The following DYNC2H1 variants were observed in gnomAD, a reference collection of about 807,000 sequenced individuals.
DYNC2H1 encodes cytoplasmic dynein 2 heavy chain 1.
In DYNC2H1, 410 loss-of-function variants were observed where a neutral mutation model predicts 570.0. The ratio of observed to expected loss-of-function variants is 0.72; its 90% confidence interval spans 0.66 to 0.78. The LOEUF (loss-of-function observed/expected upper bound fraction) is 0.78, where lower values mean the gene tolerates loss of function less well. DYNC2H1 is among the 30% of genes least tolerant of loss of function. DYNC2H1 has a pLI of 0.00. For synonymous variants in DYNC2H1, 1,688 were observed against 1,677.6 expected (o/e 1.01, Z -0.15); for missense variants, 4,865 against 5,046.4 (o/e 0.96, Z 1.09).
chr11:103,266,447 C>T (rs908891653), intron 70 of DYNC2H1, among the ~76,000 whole-genome samples: 7 of 151,988 alleles, frequency 4.6e-5, no homozygotes, highest in Non-Finnish European at 8.8e-5. Context: ...AGCATCTTCT[C>T]TTCTCTGCAC....
At position 103,305,111 on chromosome 11, in the gene DYNC2H1, G is replaced by A. The variant is rs939013841; in HGVS notation, c.11382+391G>A. On this transcript the variant is annotated intron_variant, in intron 77 of 88. Coordinates refer to ENST00000375735, the MANE Select transcript of DYNC2H1 (RefSeq NM_001377.3). The surrounding 1 kb of genome is among the most constrained non-coding windows in gnomAD (Gnocchi z 4.3). ...TAAGGAAGCTAGAGAATAAACTGAA[G>A]CAAATGTTTCGTTTATCTCAAATGG... Among the ~76,000 whole-genome samples the A allele has an allele frequency of 6.6e-6, 1 of 152,072 alleles. No individual in the cohort carries two copies. Among genetic ancestry groups the A allele is most frequent in the African/African-American group, 2.4e-5 (1 of 41,388 alleles).
In DYNC2H1 at chr11:103,141,650, A is replaced by C. The variant is rs547538647; in HGVS notation, c.2575-1618A>C. Among the ~76,000 whole-genome samples, 541 of 152,314 alleles carry C rather than the reference A, an allele frequency of 3.6e-3. 3 individuals carry two copies. The highest frequency in any genetic ancestry group is 5.7e-3 in the Non-Finnish European group (389 of 68,012). On this transcript the variant is annotated intron_variant, in intron 17 of 88. Coordinates refer to ENST00000375735, the MANE Select transcript of DYNC2H1 (RefSeq NM_001377.3). ...CTCCCAGTTAGGCTGCTCAGGGGTC[A>C]GGGGTCAGGGGTCAGGGACCCACTT...
chr11:103,477,583 G>A (rs1471732551), intron 88 of DYNC2H1, among the ~76,000 whole-genome samples: 1 of 152,036 alleles, frequency 6.6e-6, no homozygotes, highest in Non-Finnish European at 1.5e-5. Context: ...TGTAATCCCA[G>A]CACTTTGGGA....
At chr11:103,344,240 C>T (rs1939625063) in intron 82 of DYNC2H1, among the ~76,000 whole-genome samples, 1 of 152,182 alleles carries the variant, frequency 6.6e-6, no homozygotes, top group Non-Finnish European at 1.5e-5. Flanking sequence ...CTGACTTCCT[C>T]ATAGTCTTAA....
At chr11:103,273,295 T>A in intron 70 of DYNC2H1, among the ~76,000 whole-genome samples, 1 of 151,980 alleles carries the variant, frequency 6.6e-6, no homozygotes. Context: ...GCTAAAGCCA[T>A]CCTCCCACCT....
intron 83 of DYNC2H1, 61 bp downstream of exon 83, chr11:103,358,420 T>A: frequency 8.7e-7 from 1 of 1,151,818 alleles, no homozygotes; most frequent in Non-Finnish European, 1.3e-6. Flanking sequence ...AACCATGTGC[T>A]CCCCATTTCT....
intron 19 of DYNC2H1, 90 bp from the exon 20 acceptor site, chr11:103,148,400 C>T: frequency 7.3e-7 from 1 of 1,362,252 alleles, no homozygotes; most frequent in Non-Finnish European, 1.0e-6. Flanking sequence ...GTACTGATTA[C>T]TTCTACCACC....
At chr11:103,316,278 T>G (rs902047792) in intron 79 of DYNC2H1, among the ~76,000 whole-genome samples, 5 of 152,124 alleles carry the variant, frequency 3.3e-5, no homozygotes, top group African/African-American at 1.2e-4. Flanking sequence ...AAAAATGTAG[T>G]ATATCAGTTT....
intron 70 of DYNC2H1, among the ~76,000 whole-genome samples, chr11:103,260,882 G>A (rs926521291): frequency 1.5e-4 from 23 of 151,620 alleles, no homozygotes; most frequent in Admixed American, 3.9e-4. Context: ...GCCTCCCAAA[G>A]TGCTGGGATT....
rs752575739 is a variant in DYNC2H1 at position 103,120,851 on chromosome 11, A to G, written c.1248+49A>G. ...TTTAATATTTCTCTTAAGCTAATAT[A>G]TATATAAAAATATATATATATTTAC... is the stretch of plus-strand genomic sequence containing the variant. On this transcript the variant is annotated intron_variant, in intron 8 of 88. Transcript: ENST00000375735. The G allele has an allele frequency of 3.3e-4, 380 of 1,149,222 alleles. 1 individual carries two copies. Among genetic ancestry groups the G allele is most frequent in the Non-Finnish European group, 4.1e-4 (361 of 889,568 alleles). 71.2% of individuals were successfully genotyped at this position (1,149,222 alleles called of 1,614,324 possible). A position where few individuals can be genotyped will look rare whatever the true frequency, so the allele number is the denominator to read the frequency against.
intron 63 of DYNC2H1, among the ~76,000 whole-genome samples, chr11:103,240,505 C>T (rs1864386433): frequency 6.6e-6 from 1 of 150,890 alleles, no homozygotes; most frequent in South Asian, 2.1e-4. Context: ...CCAGAGATAT[C>T]ACAGTCTTTT....
rs60223334 is a variant in DYNC2H1 at position 103,423,408 on chromosome 11, T to TAA, written c.12367-12506_12367-12505dup. ...ATTAAATAGCCAAAAGCCAAAAAAGTAAAAAAAAAAAAAAAAAAAAAAAAA... is the reference window on the plus strand; with the variant it reads ...ATTAAATAGCCAAAAGCCAAAAAAGTAAAAAAAAAAAAAAAAAAAAAAAAAAA... On this transcript the variant is annotated intron_variant, in intron 84 of 88. Coordinates refer to ENST00000375735, the MANE Select transcript of DYNC2H1 (RefSeq NM_001377.3). 4.2e-3 allele frequency among the ~76,000 whole-genome samples: 498 copies of TAA among 119,996 alleles called. 11 individuals carry two copies. The highest frequency in any genetic ancestry group is 0.022 in the East Asian group (100 of 4,450). The allele number at this position is 119,996 out of a possible 152,430, so 78.7% of individuals were successfully genotyped here.
intron 80 of DYNC2H1, 70 bp downstream of exon 80, chr11:103,316,690 T>G: frequency 8.1e-7 from 1 of 1,240,192 alleles, no homozygotes; most frequent in Non-Finnish European, 1.1e-6. Context: ...TAACTATGTT[T>G]TCTTCAGAAG....
At chr11:103,460,359 A>G (rs1240471779) in intron 87 of DYNC2H1, among the ~76,000 whole-genome samples, 1 of 151,664 alleles carries the variant, frequency 6.6e-6, no homozygotes, top group Non-Finnish European at 1.5e-5. Flanking sequence ...AACCAGTTTT[A>G]TTGTGTCAAA....
chr11:103,462,373 T>C (rs947728262), intron 87 of DYNC2H1, among the ~76,000 whole-genome samples: 1 of 150,224 alleles, frequency 6.7e-6, no homozygotes, highest in Non-Finnish European at 1.5e-5. Context: ...TTTTACATTG[T>C]ATCATAAGGC....
intron 60 of DYNC2H1, 64 bp downstream of exon 60, chr11:103,231,410 T>A (rs1864005625): frequency 9.2e-7 from 1 of 1,086,884 alleles, no homozygotes; most frequent in Admixed American, 2.6e-5. Context: ...ACATCTTGAT[T>A]TCTTTCTTGT....
At chr11:103,235,556 A>G (rs1864187458) in intron 61 of DYNC2H1, 116 bp from the exon 62 acceptor site, 1 of 970,204 alleles carries the variant, frequency 1.0e-6, no homozygotes, top group African/African-American at 1.7e-5. Flanking sequence ...GTTACATTCA[A>G]AACAAGTTAT....
intron 70 of DYNC2H1, among the ~76,000 whole-genome samples, chr11:103,269,057 G>A (rs1050817564): frequency 2.2e-4 from 33 of 152,194 alleles, no homozygotes; most frequent in Non-Finnish European, 4.1e-4. Context: ...TTGTTCACTA[G>A]GACAGACGTT....
Position 103,148,607 on chromosome 11 carries a change from G to T in DYNC2H1, c.2936G>T (p.Arg979Leu). 1 of 1,563,412 alleles carries T rather than the reference G, an allele frequency of 6.4e-7. No individual in the cohort carries two copies. The highest frequency in any genetic ancestry group is 8.7e-7 in the Non-Finnish European group (1 of 1,153,690). The change falls in exon 20 of 89, where the codon CGG becomes CTG. Residue 979 changes from arginine (R) to leucine (L), a missense_variant. Physicochemically the swap from Arg to Leu is moderately radical, Grantham distance 102 (BLOSUM62 -2). This residue lies in a region of DYNC2H1 where 1,936 missense variants were observed against 1,962.1 expected (regional missense o/e 0.99). Coordinates refer to ENST00000375735, the MANE Select transcript of DYNC2H1 (RefSeq NM_001377.3). The part of the protein sequence containing the change: ...ANLQYSKLQE[R>L]KPEILPLFQE... The stretch of plus-strand genomic sequence containing the variant: ...CTACAATATAGTAAGTTACAAGAAC[G>T]GAAGCCAGAGGTGAGAATCACAAAG...
Sources: allele counts gnomAD v4.1 joint callset (sites outside exome capture counted in the v4.1 genomes callset), GRCh38; gene constraint gnomAD v4.1.1; regional missense constraint gnomAD v4.1.1; non-coding constraint Gnocchi (gnomAD v3.1); transcripts MANE v1.5; gene names NCBI Gene and HGNC (gene_info 2026-07-23, HGNC 2026-07-21).